ARRB1: variants seen among roughly 807,000 people sequenced by gnomAD.
ARRB1 encodes the protein beta-arrestin-1.
A neutral mutation model predicts 56.8 loss-of-function variants in ARRB1; 21 were observed. The ratio of observed to expected loss-of-function variants is 0.37; its 90% CI spans 0.26 to 0.53. ARRB1 has a LOEUF of 0.53. Ranked by LOEUF, ARRB1 falls within the 20% of genes least tolerant of loss-of-function variation. The pLI, the probability that ARRB1 is intolerant of heterozygous loss-of-function variation, is 0.88. For missense variants in ARRB1, 424 were observed against 553.7 expected, an observed-to-expected ratio of 0.77 and a Z score of 2.35; for synonymous variants, 210 against 218.6, an observed-to-expected ratio of 0.96 and a Z score of 0.35.
At chr11:75,326,212 C>T (rs1329413750) in intron 1 of ARRB1, among the ~76,000 whole-genome samples, 2 of 152,098 alleles carry the variant, frequency 1.3e-5, no homozygotes, top group East Asian at 1.9e-4. Context: ...AGGGTGCTGC[C>T]GGAGGATGTG....
At chr11:75,282,209 T>C (rs1490034466) in intron 5 of ARRB1, 188 bp from the exon 6 acceptor site, 5 of 583,086 alleles carry the variant, frequency 8.6e-6, no homozygotes, top group African/African-American at 1.9e-5. Context: ...TTTCTTTATC[T>C]AAAGGGTTTG....
At chr11:75,281,716 C>A in intron 6 of ARRB1, 1 of 522,836 alleles carries the variant, frequency 1.9e-6, no homozygotes, top group Non-Finnish European at 3.4e-6. Context: ...GGTCCTGTTG[C>A]AGCCAACGCC....
intron 1 of ARRB1, chr11:75,312,078 G>GC: frequency 7.0e-6 from 9 of 1,289,434 alleles, no homozygotes; most frequent in Non-Finnish European, 9.1e-6. Context: ...CTCTCCCGCT[G>GC]CAAGTCTCCT....
intron 5 of ARRB1, 86 bp downstream of exon 5, chr11:75,283,201 C>G: frequency 7.2e-7 from 1 of 1,394,408 alleles, no homozygotes; most frequent in Non-Finnish European, 9.7e-7. Context: ...GAGCAGCTGA[C>G]CCTCACCGCC....
chr11:75,271,784 C>T, intron 12 of ARRB1, 60 bp from the exon 13 acceptor site: 1 of 1,517,456 alleles, frequency 6.6e-7, no homozygotes, highest in Non-Finnish European at 8.9e-7. Context: ...AGGAAGAAAA[C>T]AAAAAGCACA....
At chr11:75,327,676 C>G (rs1300505579) in intron 1 of ARRB1, among the ~76,000 whole-genome samples, 1 of 151,012 alleles carries the variant, frequency 6.6e-6, no homozygotes, top group East Asian at 2.0e-4. Flanking sequence ...GCAACCTCTG[C>G]CTCCTGGGTT....
chr11:75,324,883 C>A lies in ARRB1; in HGVS notation c.20+26705G>T, dbSNP rs188386376. Among the ~76,000 whole-genome samples the A allele has an allele frequency of 1.9e-3, 282 of 152,276 alleles. 2 individuals are homozygous for A. The South Asian group carries it at 0.026, about 14-fold the overall frequency. ...TTTTCTGCCTCTCTAACCACCCCCACCCCTGTCCCTGGGAGAAACCTCTGG... is the reference window on the plus strand; with the variant it reads ...TTTTCTGCCTCTCTAACCACCCCCAACCCTGTCCCTGGGAGAAACCTCTGG... On this transcript the variant is annotated intron_variant, in intron 1 of 15. Coordinates refer to ENST00000420843, the MANE Select transcript of ARRB1 (RefSeq NM_004041.5).
intron 1 of ARRB1, among the ~76,000 whole-genome samples, chr11:75,322,749 G>A (rs780802143): frequency 2.6e-5 from 4 of 152,178 alleles, no homozygotes; most frequent in Non-Finnish European, 4.4e-5. Context: ...GCTGGGAGGC[G>A]AATGGAAGGG....
rs1158836477 is a variant in ARRB1, at chr11:75,266,366, G to A, written c.1146-92C>T. On this transcript the variant is annotated intron_variant, in intron 15 of 15. Coordinates refer to ENST00000420843, the MANE Select transcript of ARRB1 (RefSeq NM_004041.5). The stretch of plus-strand genomic sequence containing the variant: ...CCCGGCCAGATGTGACTCAGAGTAT[G>A]GCTCTGGGGCCGGGGAGAACCACCC... 32 of 1,056,400 alleles carry A rather than the reference G, an allele frequency of 3.0e-5. No individual in the cohort carries two copies. The South Asian group carries it at 3.4e-4, about 11-fold the overall frequency. The allele number at this position is 1,056,400 out of a possible 1,614,324, so 65.4% of individuals were successfully genotyped here. A position where few individuals can be genotyped will look rare whatever the true frequency, so the allele number is the denominator to read the frequency against.
At chr11:75,310,867 AC>A (rs974387043) in intron 1 of ARRB1, among the ~76,000 whole-genome samples, 6 of 152,080 alleles carry the variant, frequency 3.9e-5, no homozygotes, top group Non-Finnish European at 8.8e-5. Flanking sequence ...TACAGGCCAG[AC>A]CCCAGGAGGC....
chr11:75,291,400 G>T (rs541724031), intron 1 of ARRB1, among the ~76,000 whole-genome samples: 1 of 152,292 alleles, frequency 6.6e-6, no homozygotes, highest in East Asian at 1.9e-4. Flanking sequence ...AGTTGAACAG[G>T]TGAATGAATG....
intron 1 of ARRB1, among the ~76,000 whole-genome samples, chr11:75,340,704 G>C (rs1291004815): frequency 6.6e-6 from 1 of 152,220 alleles, no homozygotes; most frequent in African/African-American, 2.4e-5. Flanking sequence ...CTGAGTGTGT[G>C]AAACAGTGGC....
chr11:75,278,267 C>T (rs1255134457), intron 8 of ARRB1, among the ~76,000 whole-genome samples: 1 of 152,166 alleles, frequency 6.6e-6, no homozygotes, highest in African/African-American at 2.4e-5. Flanking sequence ...CGGCCCCCCA[C>T]CGTGCCCCCT....
At chr11:75,279,804 G>T (rs887317117) in intron 7 of ARRB1, among the ~76,000 whole-genome samples, 1 of 152,072 alleles carries the variant, frequency 6.6e-6, no homozygotes, top group Non-Finnish European at 1.5e-5. Context: ...AGTAGCTGGG[G>T]TTACAGGCAT....
chr11:75,327,729 C>A (rs992469473), intron 1 of ARRB1, among the ~76,000 whole-genome samples: 2 of 151,884 alleles, frequency 1.3e-5, no homozygotes, highest in African/African-American at 4.8e-5. Flanking sequence ...GCTGGGATTA[C>A]AGGCGTTCAC....
chr11:75,345,099 C>G (rs1356773231), intron 1 of ARRB1, among the ~76,000 whole-genome samples: 1 of 152,176 alleles, frequency 6.6e-6, no homozygotes, highest in Non-Finnish European at 1.5e-5. Context: ...TGCCGCCCAG[C>G]CCCAGGCAGA....
chr11:75,301,805 A>C (rs962465346), intron 1 of ARRB1, among the ~76,000 whole-genome samples: 1 of 152,004 alleles, frequency 6.6e-6, no homozygotes, highest in African/African-American at 2.4e-5. Context: ...GCTCTGCCAG[A>C]ATTTCCCAGC....
chr11:75,273,075 C>T, intron 11 of ARRB1, 97 bp from the exon 12 acceptor site: 2 of 1,016,736 alleles, frequency 2.0e-6, no homozygotes, highest in Non-Finnish European at 3.0e-6. Context: ...CGTCCATCCC[C>T]CATCTGGCTA....
intron 1 of ARRB1, among the ~76,000 whole-genome samples, chr11:75,299,333 C>T (rs530918828): frequency 2.0e-5 from 3 of 151,664 alleles, no homozygotes; most frequent in African/African-American, 4.8e-5. Context: ...CCCACCCACA[C>T]GCTTCTTTAT....
Sources: allele counts gnomAD v4.1 joint callset (sites outside exome capture counted in the v4.1 genomes callset), GRCh38; gene constraint gnomAD v4.1.1; transcripts MANE v1.5; gene names NCBI Gene and HGNC (gene_info 2026-07-23, HGNC 2026-07-21).